Variants in DLGAP2 observed in about 807,000 individuals in gnomAD.
The protein encoded by DLGAP2 is disks large-associated protein 2.
In DLGAP2, 26 loss-of-function variants were observed where a neutral mutation model predicts 100.3. The ratio of observed to expected loss-of-function variants is 0.26; its 90% CI spans 0.19 to 0.36. The LOEUF is 0.36. Ranked by LOEUF, DLGAP2 falls within the 10% of genes least tolerant of loss-of-function variation. DLGAP2 has a pLI of 1.00. For synonymous variants in DLGAP2, 886 were observed against 630.1 expected (o/e 1.41, Z -6.08); for missense variants, 1,858 against 1,453.2 (o/e 1.28, Z -4.53).
intron 2 of DLGAP2, among the ~76,000 whole-genome samples, chr8:1,107,306 C>G (rs896795918): frequency 6.6e-6 from 1 of 152,152 alleles, no homozygotes; most frequent in African/African-American, 2.4e-5. Flanking sequence ...TACTCATCAC[C>G]ACTCCAGGGC....
At chr8:1,187,595 T>C (rs62489004) in intron 2 of DLGAP2, among the ~76,000 whole-genome samples, 15,537 of 138,872 alleles carry the variant, frequency 0.11, 732 homozygotes, top group East Asian at 0.19. Flanking sequence ...CTCCGTGACG[T>C]TTCCCTCACG....
intron 1 of DLGAP2, among the ~76,000 whole-genome samples, chr8:829,983 A>G (rs960733436): frequency 6.6e-6 from 1 of 152,146 alleles, no homozygotes; most frequent in Non-Finnish European, 1.5e-5. Flanking sequence ...AATTACCTCT[A>G]TTTGAGTACT....
intron 10 of DLGAP2, among the ~76,000 whole-genome samples, chr8:1,675,501 C>G (rs1798791269): frequency 6.6e-6 from 1 of 152,238 alleles, no homozygotes; most frequent in African/African-American, 2.4e-5. Flanking sequence ...AGCCACAAAT[C>G]TGAGCCAGTC....
At chr8:1,059,577 C>T (rs757955314) in intron 2 of DLGAP2, among the ~76,000 whole-genome samples, 8 of 152,152 alleles carry the variant, frequency 5.3e-5, no homozygotes, top group Non-Finnish European at 7.4e-5. Flanking sequence ...GTGAGCTTCC[C>T]GGAGGCAGGG....
rs71528625 is a variant in DLGAP2 at position 960,237 on chromosome 8, C to CTTTTTTTTTTTTTTT, written c.73+52272_73+52286dup. Among the ~76,000 whole-genome samples the CTTTTTTTTTTTTTTT allele has an allele frequency of 8.0e-3, 355 of 44,636 alleles. 79 individuals carry two copies. Among genetic ancestry groups the CTTTTTTTTTTTTTTT allele is most frequent in the African/African-American group, 0.029 (327 of 11,352 alleles). The allele number at this position is 44,636 out of a possible 152,430, so 29.3% of individuals were successfully genotyped here. A position where few individuals can be genotyped will look rare whatever the true frequency, so the allele number is the denominator to read the frequency against. On this transcript the variant is annotated intron_variant, in intron 2 of 14. Transcript: ENST00000637795. ...TTGGGCAATTATTCCTGAAGTATATCTTTTTTTTTTTTTTTCCCGAGACAC... is the reference window on the plus strand; with the variant it reads ...TTGGGCAATTATTCCTGAAGTATATCTTTTTTTTTTTTTTTTTTTTTTTTTTTTTTCCCGAGACAC...
chr8:1,424,467 C>T (rs1387435363), intron 3 of DLGAP2, among the ~76,000 whole-genome samples: 3 of 152,178 alleles, frequency 2.0e-5, no homozygotes, highest in Non-Finnish European at 4.4e-5. Flanking sequence ...TGTATAGCTG[C>T]CCAATGGAAT....
intron 2 of DLGAP2, among the ~76,000 whole-genome samples, chr8:1,205,140 T>C (rs756149261): frequency 3.3e-5 from 5 of 152,202 alleles, no homozygotes; most frequent in Non-Finnish European, 5.9e-5. Context: ...TCACGTCCCT[T>C]GTCCTGGAAA....
chr8:986,862 G>A (rs1409241591), intron 2 of DLGAP2, among the ~76,000 whole-genome samples: 1 of 152,108 alleles, frequency 6.6e-6, no homozygotes, highest in Non-Finnish European at 1.5e-5. Context: ...GTTTTGCCAT[G>A]TTGGCCAGGC....
intron 12 of DLGAP2, among the ~76,000 whole-genome samples, chr8:1,680,260 G>C (rs1027185142): frequency 4.6e-5 from 7 of 152,192 alleles, no homozygotes; most frequent in African/African-American, 1.2e-4. Context: ...GGATAGCTGA[G>C]ATCCTTGGGA....
intron 2 of DLGAP2, among the ~76,000 whole-genome samples, chr8:1,149,376 G>A (rs560766634): frequency 1.4e-4 from 21 of 151,952 alleles, no homozygotes; most frequent in Non-Finnish European, 2.6e-4. Context: ...CTCGATCTCC[G>A]GACCTCGTGA....
chr8:1,112,953 A>G (rs954178234), intron 2 of DLGAP2, among the ~76,000 whole-genome samples: 6 of 152,144 alleles, frequency 3.9e-5, no homozygotes, highest in Non-Finnish European at 2.9e-5. Flanking sequence ...CCCTTTGTTG[A>G]CTAGGGAGTC....
intron 2 of DLGAP2, among the ~76,000 whole-genome samples, chr8:1,255,035 C>T (rs1188008180): frequency 2.9e-4 from 35 of 119,622 alleles, no homozygotes; most frequent in African/African-American, 6.2e-4. Context: ...TCTTCTCCTG[C>T]CCAGCCGCTG....
intron 3 of DLGAP2, among the ~76,000 whole-genome samples, chr8:1,409,429 G>A (rs192379390): frequency 1.1e-4 from 17 of 152,368 alleles, no homozygotes; most frequent in Admixed American, 1.1e-3. Context: ...TAGACCAGCT[G>A]AGAACCAACC....
At chr8:1,189,275 A>C (rs1016067088) in intron 2 of DLGAP2, among the ~76,000 whole-genome samples, 6 of 152,222 alleles carry the variant, frequency 3.9e-5, no homozygotes, top group African/African-American at 1.4e-4. Flanking sequence ...AGCGGGAGTC[A>C]CTGTCGCTCA....
chr8:1,706,724 A>G lies in DLGAP2; in HGVS notation c.*5318A>G, dbSNP rs959192475. ...GATAAACTAAACATTAAAATGATGA[A>G]GGAAAAAAAATTATTTGGAAGCCGA... is the stretch of plus-strand genomic sequence containing the variant. On this transcript the variant is annotated 3_prime_UTR_variant, in exon 15 of 15. Transcript: ENST00000637795. 5.9e-5 allele frequency: 9 copies of G among 152,190 alleles called. No individual in the cohort carries two copies. Among genetic ancestry groups the G allele is most frequent in the African/African-American group, 2.2e-4 (9 of 41,452 alleles). The allele number at this position is 152,190 out of a possible 1,614,324, so 9.4% of individuals were successfully genotyped here.
intron 8 of DLGAP2, among the ~76,000 whole-genome samples, chr8:1,656,889 A>G (rs1200007604): frequency 3.3e-5 from 5 of 152,336 alleles, no homozygotes; most frequent in Admixed American, 2.0e-4. Flanking sequence ...AGTGACACCA[A>G]CTTATGCGAT....
chr8:1,113,417 C>T (rs1328870574), intron 2 of DLGAP2, among the ~76,000 whole-genome samples: 1 of 152,176 alleles, frequency 6.6e-6, no homozygotes, highest in Non-Finnish European at 1.5e-5. Context: ...TCTTTAACCT[C>T]CCTTGTCAGC....
chr8:756,412 T>C (rs1820922912), intron 1 of DLGAP2, among the ~76,000 whole-genome samples: 1 of 152,246 alleles, frequency 6.6e-6, no homozygotes, highest in African/African-American at 2.4e-5. Context: ...TGTTCTCTGA[T>C]CTGTTTTTAA....
chr8:1,186,885 C>G (rs550184740), intron 2 of DLGAP2, among the ~76,000 whole-genome samples: 30 of 152,126 alleles, frequency 2.0e-4, no homozygotes, highest in African/African-American at 6.8e-4. Flanking sequence ...TCTGCCCTAC[C>G]GCATCCACCC....
Sources: gnomAD v4.1 joint callset for allele counts (sites outside exome capture counted in the v4.1 genomes callset) on GRCh38, gnomAD v4.1.1 for gene constraint, MANE v1.5 for transcripts, NCBI Gene and HGNC (gene_info 2026-07-23, HGNC 2026-07-21) for gene names.